The following TBX15 variants were observed in gnomAD, a reference collection of about 807,000 sequenced individuals.
TBX15 encodes T-box transcription factor 15, also known as T-box transcription factor TBX15.
In TBX15, 18 loss-of-function variants were observed where a neutral mutation model predicts 53.9. That is an observed-to-expected ratio of 0.33 (90% CI 0.23 to 0.49). The LOEUF (loss-of-function observed/expected upper bound fraction) is 0.49, where lower values mean the gene tolerates loss of function less well. Ranked by LOEUF, TBX15 falls within the 20% of genes least tolerant of loss-of-function variation. The pLI, the probability that TBX15 is intolerant of heterozygous loss-of-function variation, is 0.98. For synonymous variants in TBX15, 295 were observed against 278.0 expected (o/e 1.06, Z -0.61); for missense variants, 692 against 749.5 (o/e 0.92, Z 0.90).
intron 1 of TBX15, among the ~76,000 whole-genome samples, chr1:118,966,734 T>G (rs1269990613): frequency 6.6e-6 from 1 of 152,268 alleles, no homozygotes; most frequent in Non-Finnish European, 1.5e-5. Flanking sequence ...TTTGCTTTCC[T>G]GCTTCTAAGA....
At chr1:118,888,554 T>C (rs1356591709) in intron 7 of TBX15, among the ~76,000 whole-genome samples, 1 of 152,226 alleles carries the variant, frequency 6.6e-6, no homozygotes, top group Non-Finnish European at 1.5e-5. Flanking sequence ...ACATTTTCCT[T>C]ATTTTCCACT....
intron 7 of TBX15, among the ~76,000 whole-genome samples, chr1:118,894,050 C>T (rs1654309691): frequency 1.3e-5 from 2 of 152,314 alleles, no homozygotes; most frequent in African/African-American, 2.4e-5. Context: ...CATATTTAAG[C>T]TGTGATCTCA....
intron 7 of TBX15, among the ~76,000 whole-genome samples, chr1:118,894,153 T>C (rs17022692): frequency 0.015 from 2,253 of 152,064 alleles, 69 homozygotes; most frequent in African/African-American, 0.051. Context: ...GCACACCATG[T>C]TTGAGAAAGG....
intron 7 of TBX15, chr1:118,890,974 C>T (rs1334854281): frequency 7.7e-7 from 1 of 1,301,522 alleles, no homozygotes; most frequent in Non-Finnish European, 1.0e-6. Context: ...GGCTTTCAAA[C>T]AGGTAAAAGG....
chr1:118,917,192 G>A (rs1655266309), intron 5 of TBX15, among the ~76,000 whole-genome samples: 1 of 152,146 alleles, frequency 6.6e-6, no homozygotes, highest in Admixed American at 6.5e-5. Flanking sequence ...TAATAGACTG[G>A]ATAAAGAAAA....
chr1:118,925,947 A>T (rs1305760836), intron 3 of TBX15, among the ~76,000 whole-genome samples: 3 of 152,144 alleles, frequency 2.0e-5, no homozygotes, highest in Admixed American at 2.0e-4. Context: ...TAAGCCATCC[A>T]AGAGACATGG....
chr1:118,986,212 A>G (rs1221787039), intron 1 of TBX15, among the ~76,000 whole-genome samples: 3 of 152,218 alleles, frequency 2.0e-5, no homozygotes, highest in Non-Finnish European at 2.9e-5. Context: ...CTGAGGAAAT[A>G]GGGTCTGGCC....
chr1:118,948,196 G>A (rs12093893), intron 1 of TBX15, among the ~76,000 whole-genome samples: 43,672 of 151,784 alleles, frequency 0.29, 6,626 homozygotes, highest in Non-Finnish European at 0.32. Context: ...AGAGACATAC[G>A]TAGCAACTTT....
intron 1 of TBX15, among the ~76,000 whole-genome samples, chr1:118,948,701 A>G (rs1266836653): frequency 6.6e-6 from 1 of 152,180 alleles, no homozygotes; most frequent in Non-Finnish European, 1.5e-5. Flanking sequence ...AGATCTTGCT[A>G]TTGATTCTCA....
At chr1:118,895,301 A>G (rs1654385081) in intron 7 of TBX15, among the ~76,000 whole-genome samples, 1 of 152,176 alleles carries the variant, frequency 6.6e-6, no homozygotes. Flanking sequence ...GGATCCCCTC[A>G]TGTCCACAGA....
At chr1:118,904,163 G>C (rs1430431365) in intron 6 of TBX15, among the ~76,000 whole-genome samples, 1 of 152,140 alleles carries the variant, frequency 6.6e-6, no homozygotes, top group Non-Finnish European at 1.5e-5. Flanking sequence ...CATGACAGGT[G>C]CTTAGATTTT....
chr1:118,942,979 T>C (rs75656321), intron 1 of TBX15, among the ~76,000 whole-genome samples: 2,161 of 151,906 alleles, frequency 0.014, 44 homozygotes, highest in African/African-American at 0.05. Flanking sequence ...GTTTCCAGAG[T>C]CGCTAAGAAG....
chr1:118,983,720 G>A (rs566918030), intron 1 of TBX15, among the ~76,000 whole-genome samples: 1 of 152,286 alleles, frequency 6.6e-6, no homozygotes, highest in African/African-American at 2.4e-5. Flanking sequence ...GGGCGTGCAC[G>A]GCAGAGACAA....
At chr1:118,951,323 C>T (rs1247342663) in intron 1 of TBX15, among the ~76,000 whole-genome samples, 3 of 152,160 alleles carry the variant, frequency 2.0e-5, no homozygotes, top group Admixed American at 6.5e-5. Context: ...TCTTGGGATA[C>T]ACAAGGTAGC....
intron 1 of TBX15, among the ~76,000 whole-genome samples, chr1:118,981,303 TACACACACACACACAC>T (rs35594301): frequency 6.8e-6 from 1 of 146,728 alleles, no homozygotes; most frequent in Non-Finnish European, 1.5e-5. Flanking sequence ...TTAAACTAGC[TACACACACACACACAC>T]ACACACACAC....
upstream of TBX15, among the ~76,000 whole-genome samples, chr1:118,988,871 C>CA (rs1296474750): frequency 6.6e-6 from 1 of 152,164 alleles, no homozygotes; most frequent in Non-Finnish European, 1.5e-5. Context: ...AACAAACAAA[C>CA]AAGCAAACAG....
intron 1 of TBX15, among the ~76,000 whole-genome samples, chr1:118,964,577 C>T (rs947490142): frequency 6.6e-6 from 1 of 152,218 alleles, no homozygotes; most frequent in Admixed American, 6.5e-5. Flanking sequence ...ATCCTTTCTG[C>T]CTAGATTGTA....
In TBX15 at chr1:118,901,182, AT is replaced by A. The variant is rs1413855985; in HGVS notation, c.927-2058del. Among the ~76,000 whole-genome samples the A allele has an allele frequency of 5.9e-5, 9 of 152,344 alleles. No homozygotes were observed. In the East Asian group the frequency reaches 1.7e-3, roughly 29 times the overall value. On this transcript the variant is annotated intron_variant, in intron 6 of 7. Coordinates refer to ENST00000369429, the MANE Select transcript of TBX15 (RefSeq NM_001330677.2). The stretch of plus-strand genomic sequence containing the variant: ...AGGTAATTTATAAACAATAAAGTTT[AT>A]TTGGCTCACAGTTCTGGAGGCTGAG...
intron 1 of TBX15, among the ~76,000 whole-genome samples, chr1:118,972,297 G>T (rs10458419): frequency 0.19 from 29,441 of 152,114 alleles, 3,405 homozygotes; most frequent in East Asian, 0.5. Flanking sequence ...TATATGTTTG[G>T]ATTTACACAT....
Sources: allele counts gnomAD v4.1 joint callset (sites outside exome capture counted in the v4.1 genomes callset), GRCh38; gene constraint gnomAD v4.1.1; transcripts MANE v1.5; gene names NCBI Gene and HGNC (gene_info 2026-07-23, HGNC 2026-07-21).